The following GRIK3 variants were observed in gnomAD, a reference collection of about 807,000 sequenced individuals.
GRIK3 encodes glutamate receptor ionotropic, kainate 3.
Under a neutral mutation model 102.5 loss-of-function variants are expected in GRIK3, and 29 were observed. That is an observed-to-expected ratio of 0.28 (90% CI 0.21 to 0.39). The LOEUF (loss-of-function observed/expected upper bound fraction) is 0.39. Among genes scored for constraint, GRIK3 ranks in the 10% least tolerant of loss-of-function variants. GRIK3 has a pLI of 1.00. For missense variants in GRIK3, 908 were observed against 1,252.4 expected, an observed-to-expected ratio of 0.73 and a Z score of 4.15; for synonymous variants, 511 against 504.9, an observed-to-expected ratio of 1.01 and a Z score of -0.16.
intron 1 of GRIK3, 56 bp downstream of exon 1, chr1:37,033,938 C>G (rs1642858232): frequency 2.0e-6 from 2 of 1,015,282 alleles, no homozygotes; most frequent in Non-Finnish European, 3.0e-6. Flanking sequence ...GGGAGGCCCC[C>G]TCATTCCCGC....
At chr1:36,892,956 C>T (rs1375362197) in intron 1 of GRIK3, among the ~76,000 whole-genome samples, 1 of 152,090 alleles carries the variant, frequency 6.6e-6, no homozygotes, top group Non-Finnish European at 1.5e-5. Flanking sequence ...ATTAACTGTG[C>T]TGTGACAATT....
intron 13 of GRIK3, among the ~76,000 whole-genome samples, chr1:36,807,179 A>C (rs567604496): frequency 1.3e-5 from 2 of 152,220 alleles, no homozygotes; most frequent in African/African-American, 4.8e-5. Flanking sequence ...AGAATCCCTA[A>C]GACCAGGTCC....
At chr1:36,953,942 C>T (rs1641874588) in intron 1 of GRIK3, among the ~76,000 whole-genome samples, 1 of 152,178 alleles carries the variant, frequency 6.6e-6, no homozygotes, top group Admixed American at 6.5e-5. Flanking sequence ...AGAGGACCCC[C>T]AGCCCCTGTC....
At chr1:36,833,425 C>T (rs1385984380) in intron 10 of GRIK3, among the ~76,000 whole-genome samples, 1 of 152,224 alleles carries the variant, frequency 6.6e-6, no homozygotes, top group Non-Finnish European at 1.5e-5. Context: ...GAATCCTCAG[C>T]TCCACAGAGC....
intron 1 of GRIK3, among the ~76,000 whole-genome samples, chr1:36,904,266 G>A (rs543464833): frequency 1.3e-5 from 2 of 152,268 alleles, no homozygotes; most frequent in African/African-American, 4.8e-5. Context: ...CATCCACACA[G>A]GTGTGCATCG....
intron 1 of GRIK3, among the ~76,000 whole-genome samples, chr1:36,988,875 C>G (rs1362285096): frequency 1.3e-5 from 2 of 152,166 alleles, no homozygotes; most frequent in African/African-American, 2.4e-5. Flanking sequence ...TTCAGTTAAG[C>G]TGAATGAAAC....
In GRIK3 at chr1:37,016,287, C is replaced by T. The variant is rs1642651500; in HGVS notation, c.115+17707G>A. Among the ~76,000 whole-genome samples, 4 of 152,204 alleles carry T rather than the reference C, an allele frequency of 2.6e-5. No individual in the cohort carries two copies. In the South Asian group the frequency reaches 8.3e-4, roughly 32 times the overall value. On this transcript the variant is annotated intron_variant, in intron 1 of 15. Transcript: ENST00000373091. ...GACAGGAGTTCAAGTCTTAGTGACA[C>T]CCATCACTTACTCACTCCACTGGGT...
intron 13 of GRIK3, among the ~76,000 whole-genome samples, chr1:36,808,203 C>T (rs1236264499): frequency 6.6e-6 from 1 of 152,206 alleles, no homozygotes; most frequent in Admixed American, 6.5e-5. Flanking sequence ...AGCAGATTCT[C>T]CCACCTCCAA....
chr1:36,824,159 G>C (rs943814009), intron 11 of GRIK3, among the ~76,000 whole-genome samples: 3 of 152,166 alleles, frequency 2.0e-5, no homozygotes, highest in Non-Finnish European at 4.4e-5. Context: ...CACCTTCCGA[G>C]CCTGGAGGCA....
chr1:36,953,923 T>C (rs1024028406), intron 1 of GRIK3, among the ~76,000 whole-genome samples: 42 of 152,036 alleles, frequency 2.8e-4, no homozygotes, highest in African/African-American at 9.6e-4. Context: ...GAAAGGACAA[T>C]TAGAGGGCAG....
intron 9 of GRIK3, among the ~76,000 whole-genome samples, chr1:36,842,434 C>T (rs1289437074): frequency 6.6e-6 from 1 of 152,202 alleles, no homozygotes; most frequent in Non-Finnish European, 1.5e-5. Context: ...ATTCTGATGT[C>T]CACTCAAGTC....
In GRIK3 at chr1:36,798,770, G is replaced by A. The variant is rs1642398916; in HGVS notation, c.*3081C>T. ...ACAACACCTGAACATCAGGACGCAAGGTTTGCCTGGGAGAGGAGATGAGGC... is the reference window on the plus strand; with the variant it reads ...ACAACACCTGAACATCAGGACGCAAAGTTTGCCTGGGAGAGGAGATGAGGC... On this transcript the variant is annotated 3_prime_UTR_variant, in exon 16 of 16. Transcript: ENST00000373091. 1 of 152,252 alleles carries A rather than the reference G, an allele frequency of 6.6e-6. No individual in the cohort carries two copies. The highest frequency in any genetic ancestry group is 1.5e-5 in the Non-Finnish European group (1 of 68,042). The allele number at this position is 152,252 out of a possible 1,614,324, so 9.4% of individuals were successfully genotyped here.
At chr1:36,834,632 CGGGGACCAGCCTGT>C (rs1557696921) in intron 10 of GRIK3, among the ~76,000 whole-genome samples, 1 of 152,106 alleles carries the variant, frequency 6.6e-6, no homozygotes, top group East Asian at 1.9e-4. Flanking sequence ...TGAGTCCCCA[CGGGGACCAGCCTGT>C]GCCTATTTCT....
chr1:36,936,823 T>C (rs1641664140), intron 1 of GRIK3, among the ~76,000 whole-genome samples: 1 of 151,794 alleles, frequency 6.6e-6, no homozygotes. Flanking sequence ...TTTTTTTTTT[T>C]CTGATGGAAC....
At chr1:36,853,821 T>C (rs906274246) in intron 7 of GRIK3, 99 bp from the exon 8 acceptor site, 8 of 729,626 alleles carry the variant, frequency 1.1e-5, no homozygotes, top group Non-Finnish European at 1.8e-5. Context: ...CTTGCACTGA[T>C]ACTGTTCCCC....
Position 37,019,632 on chromosome 1 carries a change from C to T in GRIK3, c.115+14362G>A, listed in dbSNP as rs556061900. On this transcript the variant is annotated intron_variant, in intron 1 of 15. Transcript: ENST00000373091. Reference sequence around the variant, plus strand: ...CGCATCCTGGAGCCCCCGCAAATCCCCTGACCCTATGTACTCTGCAGTACA... The same window carrying T: ...CGCATCCTGGAGCCCCCGCAAATCCTCTGACCCTATGTACTCTGCAGTACA... Among the ~76,000 whole-genome samples, 15 of 152,320 alleles carry T rather than the reference C, an allele frequency of 9.8e-5. 1 individual carries two copies. The South Asian group carries it at 2.7e-3, about 27-fold the overall frequency.
intron 13 of GRIK3, among the ~76,000 whole-genome samples, chr1:36,808,235 CT>C (rs1311498129): frequency 6.6e-6 from 1 of 152,162 alleles, no homozygotes; most frequent in African/African-American, 2.4e-5. Flanking sequence ...CCCTCTGTTC[CT>C]TTCTTACTCT....
chr1:36,840,844 G>A lies in GRIK3; in HGVS notation c.1530+892C>T, dbSNP rs561837097. Among the ~76,000 whole-genome samples the A allele has an allele frequency of 8.5e-5, 13 of 152,364 alleles. No individual in the cohort carries two copies. The South Asian group carries it at 1.4e-3, about 17-fold the overall frequency. On this transcript the variant is annotated intron_variant, in intron 10 of 15. Transcript: ENST00000373091. Reference sequence around the variant, plus strand: ...AGACCTGCTGGGCCACAGCCTGGGCGTCTGAGAACTATGATGTGTTTGCTC... The same window carrying A: ...AGACCTGCTGGGCCACAGCCTGGGCATCTGAGAACTATGATGTGTTTGCTC...
chr1:36,994,260 C>T (rs1420760864), intron 1 of GRIK3, among the ~76,000 whole-genome samples: 2 of 152,198 alleles, frequency 1.3e-5, no homozygotes, highest in Non-Finnish European at 2.9e-5. Flanking sequence ...GATAATAACC[C>T]CTACCTTACA....
Sources: allele counts gnomAD v4.1 joint callset (sites outside exome capture counted in the v4.1 genomes callset), GRCh38; gene constraint gnomAD v4.1.1; transcripts MANE v1.5; gene names NCBI Gene and HGNC (gene_info 2026-07-23, HGNC 2026-07-21).